Variants in TMEM266 observed in about 807,000 individuals in gnomAD.
The protein encoded by TMEM266 is Hv1 related protein 1.
A neutral mutation model predicts 50.5 loss-of-function variants in TMEM266; 33 were observed. The ratio of observed to expected loss-of-function variants is 0.65; its 90% CI spans 0.50 to 0.87. The LOEUF (loss-of-function observed/expected upper bound fraction) is 0.87. Ranked by LOEUF, TMEM266 falls within the 40% of genes least tolerant of loss-of-function variation. TMEM266 has a pLI of 0.00. For missense variants in TMEM266, 655 were observed against 695.1 expected (o/e 0.94, Z 0.65); for synonymous variants, 310 against 292.3 (o/e 1.06, Z -0.62).
chr15:76,175,488 C>T lies in TMEM266; in HGVS notation c.653-71C>T, dbSNP rs1289644039. The T allele has an allele frequency of 2.4e-6, 3 of 1,229,616 alleles. No homozygotes were observed. In the East Asian group the frequency reaches 7.2e-5, roughly 29 times the overall value. The allele number at this position is 1,229,616 out of a possible 1,614,324, so 76.2% of individuals were successfully genotyped here. A position where few individuals can be genotyped will look rare whatever the true frequency, so the allele number is the denominator to read the frequency against. ...CCTCGAACCTGCTGCTGCCTGAATGCTGGGCCCGCCCTTCCCTAGTCCAAG... is the reference window on the plus strand; with the variant it reads ...CCTCGAACCTGCTGCTGCCTGAATGTTGGGCCCGCCCTTCCCTAGTCCAAG... On this transcript the variant is annotated intron_variant, in intron 7 of 10. Coordinates refer to ENST00000388942, the MANE Select transcript of TMEM266 (RefSeq NM_152335.3).
intron 1 of TMEM266, among the ~76,000 whole-genome samples, chr15:76,061,652 G>A (rs1197758221): frequency 6.6e-6 from 1 of 152,132 alleles, no homozygotes; most frequent in South Asian, 2.1e-4. Flanking sequence ...TTTTTGAGGT[G>A]GCACTAAACC....
chr15:76,204,025 G>A lies in TMEM266; in HGVS notation c.1306G>A (p.Glu436Lys), dbSNP rs1567188745. Residue 436 changes from glutamate to lysine, a missense_variant, in exon 11 of 11, where the codon GAG (glutamate) becomes AAG (lysine). By Grantham distance (56) the Glu-to-Lys change is moderately conservative. Around this residue, in one of 3 missense-constraint regions of TMEM266, gnomAD observed 455 missense variants for 401.8 expected, o/e 1.13. Transcript: ENST00000388942. ...GCCGCTGCCATCCCAGCAGCAGGTGGAGGAGGCCACAGTCCAGGACCTGCT... is the reference window on the plus strand; with the variant it reads ...GCCGCTGCCATCCCAGCAGCAGGTGAAGGAGGCCACAGTCCAGGACCTGCT... The A allele has an allele frequency of 1.2e-6, 2 of 1,609,952 alleles. No individual in the cohort carries two copies. Among genetic ancestry groups the A allele is most frequent in the Non-Finnish European group, 1.7e-6 (2 of 1,177,076 alleles).
chr15:76,072,438 C>CAAAAA (rs766766619), intron 1 of TMEM266, among the ~76,000 whole-genome samples: 1 of 54,558 alleles, frequency 1.8e-5, no homozygotes, highest in Non-Finnish European at 4.0e-5. Context: ...AAAACTCTGT[C>CAAAAA]AAAAAAAAAA....
chr15:76,069,697 A>C (rs1596082834), intron 1 of TMEM266, among the ~76,000 whole-genome samples: 1 of 152,270 alleles, frequency 6.6e-6, no homozygotes, highest in East Asian at 1.9e-4. Flanking sequence ...GCACGCCTGT[A>C]GTCACAGCTA....
chr15:76,173,942 T>TA (rs1223957903), intron 7 of TMEM266, among the ~76,000 whole-genome samples: 7,853 of 121,914 alleles, frequency 0.064, 437 homozygotes, highest in African/African-American at 0.18. Context: ...CAAAAAAAAA[T>TA]AAAAAAAAAA....
At chr15:76,181,185 C>T (rs2038398495) in intron 8 of TMEM266, 1 of 152,224 alleles carries the variant, frequency 6.6e-6, no homozygotes, top group Non-Finnish European at 1.5e-5. Flanking sequence ...GAGGTGGGCC[C>T]AACGTGGCAC....
Position 76,185,836 on chromosome 15 carries a change from C to T in TMEM266, c.769-6132C>T, listed in dbSNP as rs141041878. ...CTTAACTGCACTTACACTTCATTCC[C>T]TCCAGGTGGGGTCCTGGAGCTGGTA... On this transcript the variant is annotated intron_variant, in intron 8 of 10. Coordinates refer to ENST00000388942, the MANE Select transcript of TMEM266 (RefSeq NM_152335.3). Among the ~76,000 whole-genome samples the T allele has an allele frequency of 3.7e-3, 565 of 152,320 alleles. 4 individuals are homozygous for T. Among genetic ancestry groups the T allele is most frequent in the African/African-American group, 0.013 (552 of 41,566 alleles).
chr15:76,112,628 G>A (rs772881312), intron 1 of TMEM266: 3 of 152,196 alleles, frequency 2.0e-5, no homozygotes, highest in African/African-American at 4.8e-5. Flanking sequence ...GTCGAGAGCT[G>A]TCCTTTGAGT....
At chr15:76,130,440 C>T (rs974392424) in intron 1 of TMEM266, among the ~76,000 whole-genome samples, 5 of 152,136 alleles carry the variant, frequency 3.3e-5, no homozygotes, top group African/African-American at 1.2e-4. Flanking sequence ...ACTTGGGAGG[C>T]TGAGGCAAAA....
At chr15:76,090,347 C>T (rs1318469121) in intron 1 of TMEM266, among the ~76,000 whole-genome samples, 1 of 151,888 alleles carries the variant, frequency 6.6e-6, no homozygotes, top group African/African-American at 2.4e-5. Flanking sequence ...CAAAAATTAG[C>T]CAGGCATGGT....
At chr15:76,080,143 G>C (rs999337386) in intron 1 of TMEM266, among the ~76,000 whole-genome samples, 2 of 150,160 alleles carry the variant, frequency 1.3e-5, no homozygotes, top group African/African-American at 4.9e-5. Context: ...AAGACGGGCA[G>C]ATCACTTGAG....
At chr15:76,149,150 A>G (rs1047925408) in intron 3 of TMEM266, among the ~76,000 whole-genome samples, 5 of 152,178 alleles carry the variant, frequency 3.3e-5, no homozygotes, top group African/African-American at 1.2e-4. Flanking sequence ...AGCCCCACTA[A>G]CAATTGCAGA....
At chr15:76,133,506 A>G (rs922185684) in intron 1 of TMEM266, among the ~76,000 whole-genome samples, 8 of 152,250 alleles carry the variant, frequency 5.3e-5, no homozygotes, top group Non-Finnish European at 1.0e-4. Flanking sequence ...ACTAAGTGTC[A>G]GACGCTATGC....
intron 3 of TMEM266, among the ~76,000 whole-genome samples, chr15:76,140,434 C>T (rs1271577328): frequency 1.3e-5 from 2 of 152,206 alleles, no homozygotes; most frequent in Non-Finnish European, 1.5e-5. Context: ...GAAGAGTCCT[C>T]ATTTACAGCT....
At chr15:76,103,754 A>C (rs557875558) in intron 1 of TMEM266, among the ~76,000 whole-genome samples, 1 of 151,910 alleles carries the variant, frequency 6.6e-6, no homozygotes, top group Non-Finnish European at 1.5e-5. Flanking sequence ...TCTACTAAAA[A>C]TACAAAAATT....
chr15:76,099,236 G>A (rs189259464), intron 1 of TMEM266, among the ~76,000 whole-genome samples: 70 of 152,360 alleles, frequency 4.6e-4, no homozygotes, highest in African/African-American at 1.7e-3. Flanking sequence ...GGAATCTCCT[G>A]GTTTGCGTGT....
intron 3 of TMEM266, among the ~76,000 whole-genome samples, chr15:76,140,278 G>C (rs2037657530): frequency 6.6e-6 from 1 of 152,224 alleles, no homozygotes; most frequent in Non-Finnish European, 1.5e-5. Flanking sequence ...CACAGGACCG[G>C]AGCCAGGGGA....
chr15:76,200,817 C>T (rs1349911183), intron 9 of TMEM266, among the ~76,000 whole-genome samples: 3 of 152,196 alleles, frequency 2.0e-5, no homozygotes, highest in African/African-American at 7.2e-5. Flanking sequence ...GGCCTGGAGC[C>T]AGCCCGGGGC....
chr15:76,192,445 G>A (rs111911414), intron 9 of TMEM266, among the ~76,000 whole-genome samples: 78 of 152,308 alleles, frequency 5.1e-4, no homozygotes, highest in African/African-American at 1.7e-3. Flanking sequence ...CCCTGTCCTC[G>A]CGGTAGCCGG....
Sources: allele counts gnomAD v4.1 joint callset (sites outside exome capture counted in the v4.1 genomes callset), GRCh38; gene constraint gnomAD v4.1.1; regional missense constraint gnomAD v4.1.1; transcripts MANE v1.5; gene names NCBI Gene and HGNC (gene_info 2026-07-23, HGNC 2026-07-21).